AP2A1: variants seen among roughly 807,000 people sequenced by gnomAD.
AP2A1 encodes the protein AP-2 complex subunit alpha-1.
AP2A1 carries 21 observed loss-of-function variants against 107.3 expected under a neutral mutation model. The observed-to-expected ratio is 0.20, with a 90% CI of 0.14 to 0.28. The LOEUF is 0.28. AP2A1 is among the 10% of genes least tolerant of loss of function. The pLI is 1.00. For missense variants in AP2A1, 873 were observed against 1,307.7 expected, an observed-to-expected ratio of 0.67 and a Z score of 5.13; for synonymous variants, 602 against 564.8, an observed-to-expected ratio of 1.07 and a Z score of -0.93.
rs201008646 is a variant in AP2A1, at chr19:49,801,834, G to A, written c.1898G>A (p.Arg633Lys). The A allele has an allele frequency of 7.9e-5, 120 of 1,521,908 alleles. No individual in the cohort carries two copies. Among genetic ancestry groups the A allele is most frequent in the Non-Finnish European group, 1.0e-4 (116 of 1,137,898 alleles). 94.3% of individuals were successfully genotyped at this position (1,521,908 alleles called of 1,614,324 possible). Residue 633 changes from arginine to lysine, a missense_variant, in exon 14 of 23, where the codon AGG becomes AAG. Coordinates refer to ENST00000354293, the MANE Select transcript of AP2A1 (RefSeq NM_130787.3). The part of the protein sequence containing the change: ...GAGSALDDGR[R>K]DPSSNDINGG... Reference sequence around the variant, plus strand: ...GGCAGCGCCCTGGACGATGGCCGGAGGGACCCCAGCAGCAACGACATCAAC... The same window carrying A: ...GGCAGCGCCCTGGACGATGGCCGGAAGGACCCCAGCAGCAACGACATCAAC...
At chr19:49,793,908 T>C (rs1320403770) in intron 6 of AP2A1, among the ~76,000 whole-genome samples, 5 of 136,500 alleles carry the variant, frequency 3.7e-5, no homozygotes, top group African/African-American at 1.4e-4. Context: ...CTTTTTTTTT[T>C]TTTTTTTTTT....
chr19:49,801,859 CG>C lies in AP2A1; in HGVS notation c.1928del (p.Gly643AlafsTer80). The C allele has an allele frequency of 2.0e-6, 3 of 1,504,476 alleles. No homozygotes were observed. The highest frequency in any genetic ancestry group is 1.8e-6 in the Non-Finnish European group (2 of 1,129,732). The allele number at this position is 1,504,476 out of a possible 1,614,324, so 93.2% of individuals were successfully genotyped here. ...GGGACCCCAGCAGCAACGACATCAA[CG>C]GGGGCATGGAGCCCACCCCCAGCAC... ...RRDPSSNDINGGMEPTPSTVS... is the reference protein window; with the variant it reads ...RRDPSSNDINXGMEPTPSTVS... On this transcript the variant is annotated frameshift_variant, in exon 14 of 23. Transcript: ENST00000354293. LOFTEE classifies it high-confidence loss of function.
intron 7 of AP2A1, chr19:49,796,349 C>T (rs79425754): frequency 0.014 from 2,106 of 152,476 alleles, 90 homozygotes; most frequent in East Asian, 0.13. Flanking sequence ...TGGCAGTTGG[C>T]CCCCAGACTC....
chr19:49,800,833 T>A, intron 11 of AP2A1, 128 bp from the exon 12 acceptor site: 1 of 709,812 alleles, frequency 1.4e-6, no homozygotes, highest in Admixed American at 3.1e-5. Flanking sequence ...TGTGACTCAG[T>A]TTCCCACCTA....
At chr19:49,790,154 C>CG (rs1568580937) in intron 4 of AP2A1, among the ~76,000 whole-genome samples, 2 of 152,172 alleles carry the variant, frequency 1.3e-5, no homozygotes, top group African/African-American at 4.8e-5. Flanking sequence ...TCGTCCCTTC[C>CG]GGGGGCCCTA....
chr19:49,784,581 A>C (rs899620339), intron 4 of AP2A1, among the ~76,000 whole-genome samples: 1 of 152,240 alleles, frequency 6.6e-6, no homozygotes, highest in African/African-American at 2.4e-5. Context: ...TATAATTGAA[A>C]TAGTCAAAAA....
intron 1 of AP2A1, 81 bp downstream of exon 1, chr19:49,767,281 C>G: frequency 6.5e-7 from 1 of 1,540,510 alleles, no homozygotes; most frequent in South Asian, 1.1e-5. Context: ...CACAGAGGGA[C>G]CCGGGGGATC....
At chr19:49,790,534 G>A (rs1212194080) in intron 4 of AP2A1, among the ~76,000 whole-genome samples, 1 of 152,192 alleles carries the variant, frequency 6.6e-6, no homozygotes, top group Non-Finnish European at 1.5e-5. Flanking sequence ...AAGTAGGTGG[G>A]TCTACAGGCA....
chr19:49,767,833 G>A (rs1226470644), intron 1 of AP2A1, among the ~76,000 whole-genome samples: 1 of 151,990 alleles, frequency 6.6e-6, no homozygotes, highest in East Asian at 1.9e-4. Flanking sequence ...GGATAGAGGG[G>A]CTTCAGGGTG....
At chr19:49,787,233 G>C (rs1249685657) in intron 4 of AP2A1, among the ~76,000 whole-genome samples, 2 of 151,468 alleles carry the variant, frequency 1.3e-5, no homozygotes, top group Non-Finnish European at 2.9e-5. Flanking sequence ...CCAGGCTCCA[G>C]GCTGGTCTTG....
At chr19:49,791,886 G>C (rs1473089544) in intron 4 of AP2A1, 49 bp from the exon 5 acceptor site, 1 of 1,552,300 alleles carries the variant, frequency 6.4e-7, no homozygotes, top group African/African-American at 1.4e-5. Flanking sequence ...GGTGTGCAGG[G>C]CTGGGGTCAC....
chr19:49,807,015 T>A lies in AP2A1; in HGVS notation c.*257T>A. 6.6e-7 allele frequency: 1 copy of A among 1,511,260 alleles called. No individual in the cohort carries two copies. The allele number at this position is 1,511,260 out of a possible 1,614,324, so 93.6% of individuals were successfully genotyped here. A position where few individuals can be genotyped will look rare whatever the true frequency, so the allele number is the denominator to read the frequency against. Reference sequence around the variant, plus strand: ...GGGAGAGGGGCCAGGGAAGTGGATGTCTCCTCCCCTCCCACCCCACCCTGT... The same window carrying A: ...GGGAGAGGGGCCAGGGAAGTGGATGACTCCTCCCCTCCCACCCCACCCTGT... On this transcript the variant is annotated 3_prime_UTR_variant, in exon 23 of 23. Coordinates refer to ENST00000354293, the MANE Select transcript of AP2A1 (RefSeq NM_130787.3).
intron 1 of AP2A1, among the ~76,000 whole-genome samples, chr19:49,778,926 T>C (rs2084644439): frequency 6.6e-6 from 1 of 151,358 alleles, no homozygotes; most frequent in African/African-American, 2.4e-5. Context: ...CCAGGCATGG[T>C]GGCTCATACC....
intron 4 of AP2A1, among the ~76,000 whole-genome samples, chr19:49,784,498 A>G (rs1310037300): frequency 6.6e-6 from 1 of 152,226 alleles, no homozygotes; most frequent in Non-Finnish European, 1.5e-5. Context: ...ATGTAAAAGA[A>G]GTATATTTCA....
In AP2A1 at chr19:49,785,512, G is replaced by T. The variant is rs1310506527; in HGVS notation, c.473+2788G>T. Among the ~76,000 whole-genome samples, 1 of 152,174 alleles carries T rather than the reference G, an allele frequency of 6.6e-6. No individual in the cohort carries two copies. Among genetic ancestry groups the T allele is most frequent in the Non-Finnish European group, 1.5e-5 (1 of 68,042 alleles). ...TGTGGTTTGGTCATGCTGAATTTGA[G>T]ATGTGTATTAGACATCTGAGTAGGA... On this transcript the variant is annotated intron_variant, in intron 4 of 22. Transcript: ENST00000354293. The surrounding 1 kb of genome is among the most constrained non-coding windows in gnomAD (Gnocchi z 4.1).
In AP2A1 at chr19:49,799,782, T is replaced by C. The variant is rs185296139; in HGVS notation, c.1272+16T>C. On this transcript the variant is annotated intron_variant, in intron 10 of 22. Coordinates refer to ENST00000354293, the MANE Select transcript of AP2A1 (RefSeq NM_130787.3). ...CGAGGAGATCGTGAGTGCTGTGGGG[T>C]GCGGGCTGGACTCTTGGGTCTGAGG... 6.2e-7 allele frequency: 1 copy of C among 1,610,582 alleles called. No individual in the cohort carries two copies. The highest frequency in any genetic ancestry group is 2.2e-5 in the East Asian group (1 of 44,802).
At chr19:49,798,727 G>T in intron 7 of AP2A1, 75 bp from the exon 8 acceptor site, 1 of 1,530,328 alleles carries the variant, frequency 6.5e-7, no homozygotes, top group Non-Finnish European at 8.8e-7. Flanking sequence ...CAGGAGCTGG[G>T]GCATGGCCAC....
intron 3 of AP2A1, among the ~76,000 whole-genome samples, 199 bp downstream of exon 3, chr19:49,782,288 A>G (rs934878504): frequency 1.4e-5 from 2 of 139,166 alleles, no homozygotes; most frequent in African/African-American, 5.6e-5. Context: ...CCCCATTCTG[A>G]GGGAGGAGGG....
intron 12 of AP2A1, 118 bp downstream of exon 12, chr19:49,801,176 C>A: frequency 9.3e-7 from 1 of 1,071,480 alleles, no homozygotes; most frequent in Non-Finnish European, 1.3e-6. Context: ...TCGGCCTCCA[C>A]CCCAATCCAC....
Sources: gnomAD v4.1 joint callset for allele counts (sites outside exome capture counted in the v4.1 genomes callset) on GRCh38, gnomAD v4.1.1 for gene constraint, Gnocchi (gnomAD v3.1) non-coding constraint, MANE v1.5 for transcripts, NCBI Gene and HGNC (gene_info 2026-07-23, HGNC 2026-07-21) for gene names.